The following MYLK variants were observed in gnomAD, a reference collection of about 807,000 sequenced individuals.
The protein encoded by MYLK is myosin light chain kinase.
A neutral mutation model predicts 203.4 loss-of-function variants in MYLK; 106 were observed. That is an observed-to-expected ratio of 0.52 (90% confidence interval 0.45 to 0.61). The LOEUF is 0.61. MYLK is among the 20% of genes least tolerant of loss of function. MYLK has a pLI of 0.00. For missense variants in MYLK, 2,072 were observed against 2,442.3 expected, an observed-to-expected ratio of 0.85 and a Z score of 3.20; for synonymous variants, 867 against 959.5, an observed-to-expected ratio of 0.90 and a Z score of 1.78.
chr3:123,776,945 A>G (rs1188492889), intron 4 of MYLK, among the ~76,000 whole-genome samples: 1 of 152,228 alleles, frequency 6.6e-6, no homozygotes, highest in Non-Finnish European at 1.5e-5. Context: ...AGAAACCCCC[A>G]GCTTAGAAAA....
intron 4 of MYLK, among the ~76,000 whole-genome samples, chr3:123,772,164 G>A (rs953959717): frequency 1.3e-5 from 2 of 152,006 alleles, no homozygotes; most frequent in African/African-American, 4.8e-5. Flanking sequence ...GAGAAGTCTT[G>A]GATATATAAA....
intron 4 of MYLK, among the ~76,000 whole-genome samples, chr3:123,774,190 C>T (rs1468180634): frequency 6.6e-6 from 1 of 152,244 alleles, no homozygotes; most frequent in Non-Finnish European, 1.5e-5. Flanking sequence ...TTCCATCAAA[C>T]CCACAATTAA....
intron 24 of MYLK, among the ~76,000 whole-genome samples, chr3:123,653,058 T>G (rs960150311): frequency 6.6e-6 from 1 of 151,932 alleles, no homozygotes; most frequent in Non-Finnish European, 1.5e-5. Flanking sequence ...GAGAATGAAG[T>G]AGAAGAGCGA....
In MYLK at chr3:123,708,811, G is replaced by C; in HGVS notation, c.2027C>G (p.Thr676Ser). ...SEDFHFEQRG[T>S]QHSLCIQEVF... ...TTCCTGGATACAAAGGCTGTGCTGA[G>C]TTCCTCTCTGTTCAAAGTGGAAGTC... The change falls in exon 15 of 34, where the codon ACT (threonine) becomes AGT (serine). Residue 676 changes from threonine to serine, a missense_variant. By Grantham distance (58) the Thr-to-Ser change is moderately conservative (BLOSUM62 1). This residue lies in a region of MYLK where 865 missense variants were observed against 1,016.0 expected (regional missense o/e 0.85). Coordinates refer to ENST00000360304, the MANE Select transcript of MYLK (RefSeq NM_053025.4). 6.2e-7 allele frequency: 1 copy of C among 1,614,198 alleles called. No homozygotes were observed. The highest frequency in any genetic ancestry group is 8.5e-7 in the Non-Finnish European group (1 of 1,180,050).
intron 2 of MYLK, among the ~76,000 whole-genome samples, chr3:123,870,698 T>C (rs1488325445): frequency 6.6e-6 from 1 of 152,268 alleles, no homozygotes; most frequent in Non-Finnish European, 1.5e-5. Flanking sequence ...TGTTGTCTAT[T>C]TTTGTAAACC....
rs117071906 is a variant in MYLK at position 123,764,834 on chromosome 3, C to G, written c.166-12296G>C. ...CCAGGCTCTGGAAGTATGTCATCTT[C>G]CAATTGCTTCATCATTGCCTACTCT... On this transcript the variant is annotated intron_variant, in intron 4 of 33. Coordinates refer to ENST00000360304, the MANE Select transcript of MYLK (RefSeq NM_053025.4). 4.7e-4 allele frequency among the ~76,000 whole-genome samples: 71 copies of G among 152,290 alleles called. No individual in the cohort carries two copies. The East Asian group carries it at 0.013, about 28-fold the overall frequency.
chr3:123,798,383 A>T (rs2065065739), intron 3 of MYLK, among the ~76,000 whole-genome samples: 1 of 152,166 alleles, frequency 6.6e-6, no homozygotes, highest in African/African-American at 2.4e-5. Flanking sequence ...GGGGCAGAGC[A>T]TGTGCCTCCC....
chr3:123,707,437 CT>C (rs1226775504), intron 16 of MYLK, among the ~76,000 whole-genome samples: 26 of 152,202 alleles, frequency 1.7e-4, no homozygotes, highest in African/African-American at 5.1e-4. Context: ...TGCATTCCCC[CT>C]ATCCCCCTGC....
intron 27 of MYLK, among the ~76,000 whole-genome samples, chr3:123,643,400 G>A (rs2108138741): frequency 6.6e-6 from 1 of 152,334 alleles, no homozygotes; most frequent in African/African-American, 2.4e-5. Context: ...GGGAATCTGA[G>A]CCATGGAGAT....
At chr3:123,808,114 C>T (rs1190883475) in intron 3 of MYLK, among the ~76,000 whole-genome samples, 2 of 152,314 alleles carry the variant, frequency 1.3e-5, no homozygotes, top group African/African-American at 2.4e-5. Flanking sequence ...AGACACAGCC[C>T]GGCTCTTCCT....
intron 20 of MYLK, among the ~76,000 whole-genome samples, chr3:123,672,595 C>T (rs1210297437): frequency 6.6e-6 from 1 of 152,174 alleles, no homozygotes; most frequent in Non-Finnish European, 1.5e-5. Context: ...AAGTCCTGCC[C>T]CATACTTGGT....
chr3:123,825,388 G>C (rs1577075039), intron 3 of MYLK, among the ~76,000 whole-genome samples: 1 of 152,168 alleles, frequency 6.6e-6, no homozygotes, highest in African/African-American at 2.4e-5. Context: ...ATTGTCTGGA[G>C]TCAGGAGAGA....
At chr3:123,785,105 G>A (rs958463687) in intron 4 of MYLK, among the ~76,000 whole-genome samples, 2 of 152,184 alleles carry the variant, frequency 1.3e-5, no homozygotes, top group Admixed American at 6.5e-5. Flanking sequence ...TATGGCTGAA[G>A]CCTCACCCCT....
rs1466164153 is a variant in MYLK, at chr3:123,613,471, G to C, written c.*634C>G. The C allele has an allele frequency of 1.3e-5, 2 of 153,166 alleles. No homozygotes were observed. Among genetic ancestry groups the C allele is most frequent in the Non-Finnish European group, 2.9e-5 (2 of 68,452 alleles). 9.5% of individuals were successfully genotyped at this position (153,166 alleles called of 1,614,324 possible). ...CTAAGGAAGCCAGAGTCATCCATGA[G>C]CAGGGACCTGTCTTCAGAATCGAAG... On this transcript the variant is annotated 3_prime_UTR_variant, in exon 34 of 34. Transcript: ENST00000360304.
intron 19 of MYLK, chr3:123,689,545 C>A (rs1330231336): frequency 6.6e-6 from 1 of 150,698 alleles, no homozygotes. Context: ...AGCCCCAACA[C>A]CAGATCTACA....
intron 22 of MYLK, among the ~76,000 whole-genome samples, chr3:123,664,903 T>C (rs1330238006): frequency 6.6e-6 from 1 of 152,200 alleles, no homozygotes; most frequent in African/African-American, 2.4e-5. Context: ...TCCATTGATA[T>C]GAAATGTCCA....
At chr3:123,685,305 T>C (rs756229327) in intron 19 of MYLK, among the ~76,000 whole-genome samples, 1 of 152,170 alleles carries the variant, frequency 6.6e-6, no homozygotes, top group South Asian at 2.1e-4. Context: ...GAAATGATCA[T>C]TTATCAGCCC....
Position 123,700,767 on chromosome 3 carries a change from G to A in MYLK, c.2701C>T (p.Leu901=), listed in dbSNP as rs765778763. The A allele has an allele frequency of 7.4e-6, 12 of 1,614,210 alleles. No individual in the cohort carries two copies. Among genetic ancestry groups the A allele is most frequent in the Non-Finnish European group, 9.3e-6 (11 of 1,180,036 alleles). ...GTCTTTGTACTCACCTTCTTCCCCA[G>A]GAGGTCTCGGAAGTCCAGCTGCTCC... is the stretch of plus-strand genomic sequence containing the variant. The part of the protein sequence containing the change: ...EVEQLDFRDL[L]GKKVSTKTLS... The change falls in exon 18 of 34, where the codon CTG becomes TTG. Residue 901 remains leucine, a synonymous_variant. Transcript: ENST00000360304.
At chr3:123,804,357 A>C (rs2065297745) in intron 3 of MYLK, among the ~76,000 whole-genome samples, 1 of 152,136 alleles carries the variant, frequency 6.6e-6, no homozygotes, top group South Asian at 2.1e-4. Flanking sequence ...AGACCCAGAA[A>C]GGAGAGGGAG....
Sources: gnomAD v4.1 joint callset for allele counts (sites outside exome capture counted in the v4.1 genomes callset) on GRCh38, gnomAD v4.1.1 for gene constraint, gnomAD v4.1.1 regional missense constraint, MANE v1.5 for transcripts, NCBI Gene and HGNC (gene_info 2026-07-23, HGNC 2026-07-21) for gene names.